Variants in GPBP1 observed in about 807,000 individuals in gnomAD.
GPBP1 encodes vasculin.
GPBP1 carries 13 observed loss-of-function variants against 56.5 expected under a neutral mutation model. The ratio of observed to expected loss-of-function variants is 0.23; its 90% CI spans 0.15 to 0.37. GPBP1 has a LOEUF of 0.37. Among genes scored for constraint, GPBP1 ranks in the 10% least tolerant of loss-of-function variants. The pLI, the probability that GPBP1 is intolerant of heterozygous loss-of-function variation, is 1.00. For synonymous variants in GPBP1, 204 were observed against 188.9 expected, an observed-to-expected ratio of 1.08 and a Z score of -0.66; for missense variants, 477 against 572.3, an observed-to-expected ratio of 0.83 and a Z score of 1.70.
At chr5:57,198,546 T>C (rs1219511390) in intron 2 of GPBP1, among the ~76,000 whole-genome samples, 2 of 152,124 alleles carry the variant, frequency 1.3e-5, no homozygotes, top group East Asian at 3.8e-4. Flanking sequence ...CTTAGTTTTC[T>C]ATAGTTCTTT....
intron 2 of GPBP1, among the ~76,000 whole-genome samples, chr5:57,193,431 G>C (rs1292051545): frequency 6.6e-6 from 1 of 151,572 alleles, no homozygotes; most frequent in African/African-American, 2.4e-5. Context: ...TGGGCAACAT[G>C]ATGAAACCCC....
intron 6 of GPBP1, among the ~76,000 whole-genome samples, chr5:57,239,617 TA>T (rs1740725798): frequency 6.6e-6 from 1 of 151,658 alleles, no homozygotes; most frequent in Admixed American, 6.6e-5. Flanking sequence ...CCGTTTCTAC[TA>T]AAAATACAAA....
intron 5 of GPBP1, among the ~76,000 whole-genome samples, chr5:57,232,055 A>T (rs897169497): frequency 9.9e-5 from 15 of 151,964 alleles, no homozygotes; most frequent in African/African-American, 3.6e-4. Flanking sequence ...ACAGGGTCTC[A>T]CTCTTTTGCC....
At chr5:57,231,606 A>T (rs1756464469) in intron 5 of GPBP1, among the ~76,000 whole-genome samples, 1 of 152,192 alleles carries the variant, frequency 6.6e-6, no homozygotes, top group African/African-American at 2.4e-5. Context: ...ACCCGGCCAA[A>T]ATACTGTATT....
At chr5:57,187,062 C>T (rs1754324376) in intron 2 of GPBP1, among the ~76,000 whole-genome samples, 1 of 150,526 alleles carries the variant, frequency 6.6e-6, no homozygotes, top group African/African-American at 2.4e-5. Context: ...ATGTATTATG[C>T]TAATTCTATG....
chr5:57,200,827 GC>G (rs1754987643), intron 2 of GPBP1, among the ~76,000 whole-genome samples: 1 of 152,134 alleles, frequency 6.6e-6, no homozygotes, highest in African/African-American at 2.4e-5. Context: ...GACTACAGGC[GC>G]TAGCCACCAC....
intron 10 of GPBP1, among the ~76,000 whole-genome samples, chr5:57,256,210 G>A (rs1333843356): frequency 2.0e-5 from 3 of 151,966 alleles, no homozygotes; most frequent in Non-Finnish European, 4.4e-5. Flanking sequence ...AGCTGAGATC[G>A]CACCACTGAA....
At chr5:57,260,340 A>C (rs1428068312) in intron 10 of GPBP1, among the ~76,000 whole-genome samples, 1 of 152,266 alleles carries the variant, frequency 6.6e-6, no homozygotes, top group African/African-American at 2.4e-5. Context: ...TGAGTTATCT[A>C]TTTGAAATTT....
At chr5:57,254,702 A>G (rs1345257768) in intron 10 of GPBP1, among the ~76,000 whole-genome samples, 2 of 152,140 alleles carry the variant, frequency 1.3e-5, no homozygotes, top group African/African-American at 4.8e-5. Context: ...CAAAAAAAAA[A>G]AAAAAAAGAG....
intron 2 of GPBP1, among the ~76,000 whole-genome samples, chr5:57,178,401 C>T (rs956488373): frequency 7.2e-5 from 11 of 152,096 alleles, no homozygotes; most frequent in African/African-American, 4.8e-5. Context: ...CCCGCCACCA[C>T]GCCCAGCTAA....
chr5:57,191,595 C>T (rs1361019153), intron 2 of GPBP1, among the ~76,000 whole-genome samples: 1 of 149,618 alleles, frequency 6.7e-6, no homozygotes, highest in Non-Finnish European at 1.5e-5. Flanking sequence ...CCGAGTGTCA[C>T]TCTATCACCA....
chr5:57,244,293 C>T (rs1458696990), intron 6 of GPBP1, among the ~76,000 whole-genome samples: 2 of 152,186 alleles, frequency 1.3e-5, no homozygotes, highest in Non-Finnish European at 2.9e-5. Context: ...GTGTTGAAAT[C>T]ATTTTCTTGC....
chr5:57,236,553 T>G (rs1756671408), intron 6 of GPBP1, among the ~76,000 whole-genome samples: 1 of 152,120 alleles, frequency 6.6e-6, no homozygotes, highest in South Asian at 2.1e-4. Flanking sequence ...TGTCTCTGAT[T>G]TCTGATTTTC....
At chr5:57,198,215 C>T (rs1000065527) in intron 2 of GPBP1, among the ~76,000 whole-genome samples, 1 of 152,220 alleles carries the variant, frequency 6.6e-6, no homozygotes, top group African/African-American at 2.4e-5. Context: ...CAGCTTCCCA[C>T]TGTATTCTAC....
intron 2 of GPBP1, among the ~76,000 whole-genome samples, chr5:57,193,368 C>CT (rs1561328398): frequency 6.6e-6 from 1 of 151,852 alleles, no homozygotes; most frequent in Non-Finnish European, 1.5e-5. Context: ...TAATCCAGCA[C>CT]TTTGGGAAGT....
At chr5:57,262,172 G>C (rs1170646257) in intron 11 of GPBP1, among the ~76,000 whole-genome samples, 2 of 152,140 alleles carry the variant, frequency 1.3e-5, no homozygotes, top group Non-Finnish European at 2.9e-5. Flanking sequence ...CAGAAATAGA[G>C]AACTGTATTT....
At chr5:57,249,742 C>T (rs1469230308) in intron 9 of GPBP1, among the ~76,000 whole-genome samples, 166 bp downstream of exon 9, 2 of 137,210 alleles carry the variant, frequency 1.5e-5, no homozygotes, top group South Asian at 2.6e-4. Context: ...CTCCTTTTCT[C>T]GCCTCCCCCC....
rs1753773348 is a variant in GPBP1 at position 57,175,926 on chromosome 5, T to A, written c.-532T>A. ...GGGACACTTTTTCTGAATGAAGAGA[T>A]TGAAAGAATACAGAGTTTTTTTCCT... is the stretch of plus-strand genomic sequence containing the variant. On this transcript the variant is annotated 5_prime_UTR_variant, in exon 2 of 12. It adds an upstream start codon to the 5' untranslated region. Transcript: ENST00000506184. The A allele has an allele frequency of 2.5e-6, 1 of 398,442 alleles. No homozygotes were observed. The highest frequency in any genetic ancestry group is 4.4e-6 in the Non-Finnish European group (1 of 226,030). The allele number at this position is 398,442 out of a possible 1,614,324, so 24.7% of individuals were successfully genotyped here. A position where few individuals can be genotyped will look rare whatever the true frequency, so the allele number is the denominator to read the frequency against.
chr5:57,218,210 ACTGT>A (rs1755784081), intron 3 of GPBP1, among the ~76,000 whole-genome samples: 1 of 152,080 alleles, frequency 6.6e-6, no homozygotes, highest in African/African-American at 2.4e-5. Flanking sequence ...CAGTTCTGAC[ACTGT>A]CTGCTTGGGA....
Sources: gnomAD v4.1 joint callset for allele counts (sites outside exome capture counted in the v4.1 genomes callset) on GRCh38, gnomAD v4.1.1 for gene constraint, MANE v1.5 for transcripts, NCBI Gene and HGNC (gene_info 2026-07-23, HGNC 2026-07-21) for gene names.